Variants in MEIS1 observed in about 807,000 individuals in gnomAD.
The protein encoded by MEIS1 is Meis homeobox 1.
Under a neutral mutation model 50.8 loss-of-function variants are expected in MEIS1, and 5 were observed. That is an observed-to-expected ratio of 0.10 (90% CI 0.05 to 0.21). The LOEUF (loss-of-function observed/expected upper bound fraction) is 0.21. Ranked by LOEUF, MEIS1 falls within the 10% of genes least tolerant of loss-of-function variation. The pLI is 1.00. For synonymous variants in MEIS1, 176 were observed against 179.3 expected (o/e 0.98, Z 0.15); for missense variants, 318 against 517.3 (o/e 0.61, Z 3.74).
At chr2:66,485,193 CACCCATCA>C (rs1175662757) in intron 7 of MEIS1, among the ~76,000 whole-genome samples, 1 of 152,074 alleles carries the variant, frequency 6.6e-6, no homozygotes, top group Non-Finnish European at 1.5e-5. Flanking sequence ...TGGTTTGCTG[CACCCATCA>C]ACCCATCAAC....
chr2:66,446,012 C>T (rs1349186444), intron 6 of MEIS1, among the ~76,000 whole-genome samples: 1 of 152,050 alleles, frequency 6.6e-6, no homozygotes, highest in African/African-American at 2.4e-5. Context: ...GCTCTCGGCT[C>T]GGCTTGGCTG....
Position 66,561,426 on chromosome 2 carries a change from A to G in MEIS1, c.966-6027A>G, listed in dbSNP as rs1040727751. On this transcript the variant is annotated intron_variant, in intron 9 of 12. Transcript: ENST00000272369. The stretch of plus-strand genomic sequence containing the variant: ...CATGAGGTTTAAATTCTAAAATTTG[A>G]AAATATTTATAGAAATCACAAAAAT... Among the ~76,000 whole-genome samples the G allele has an allele frequency of 3.3e-5, 5 of 152,338 alleles. No individual in the cohort carries two copies. The East Asian group carries it at 9.6e-4, about 29-fold the overall frequency.
intron 1 of MEIS1, among the ~76,000 whole-genome samples, chr2:66,436,308 T>A (rs1371625556): frequency 6.6e-6 from 1 of 152,242 alleles, no homozygotes; most frequent in East Asian, 1.9e-4. Flanking sequence ...AATAACTTTG[T>A]CATAGTATAG....
chr2:66,440,455 C>A, intron 3 of MEIS1, 107 bp from the exon 4 acceptor site: 1 of 953,418 alleles, frequency 1.0e-6, no homozygotes, highest in Non-Finnish European at 1.7e-6. Context: ...TACTTCCTGC[C>A]CCCGACAGTG....
At chr2:66,562,758 A>T (rs1325563465) in intron 9 of MEIS1, among the ~76,000 whole-genome samples, 1 of 152,298 alleles carries the variant, frequency 6.6e-6, no homozygotes, top group South Asian at 2.1e-4. Context: ...TTTGGTCAGA[A>T]GAAGAAATTC....
intron 5 of MEIS1, 28 bp downstream of exon 5, chr2:66,441,492 ACTTAC>A: frequency 6.6e-7 from 1 of 1,520,874 alleles, no homozygotes; most frequent in African/African-American, 1.4e-5. Context: ...TTTTCCTTTT[ACTTAC>A]CCCTTACCCC....
At chr2:66,465,183 G>A (rs576422000) in intron 7 of MEIS1, among the ~76,000 whole-genome samples, 12 of 152,282 alleles carry the variant, frequency 7.9e-5, no homozygotes, top group African/African-American at 2.4e-4. Flanking sequence ...TGAATTTAGT[G>A]TGATTAATTT....
intron 8 of MEIS1, among the ~76,000 whole-genome samples, chr2:66,527,591 AGTGTGTGTGTGTGTGT>A (rs71409176): frequency 2.0e-3 from 246 of 124,476 alleles, no homozygotes; most frequent in Middle Eastern, 8.0e-3. Flanking sequence ...AGTAAAAGCA[AGTGTGTGTGTGTGTGT>A]GTGTGTGTGT....
chr2:66,521,838 T>C (rs1489791979), intron 8 of MEIS1, among the ~76,000 whole-genome samples: 1 of 152,190 alleles, frequency 6.6e-6, no homozygotes, highest in Non-Finnish European at 1.5e-5. Flanking sequence ...TGATGTAAAA[T>C]GGTACCTGAC....
chr2:66,508,457 A>G (rs1673737845), intron 7 of MEIS1, among the ~76,000 whole-genome samples: 2 of 152,126 alleles, frequency 1.3e-5, no homozygotes, highest in Admixed American at 1.3e-4. Context: ...CACTTCAATG[A>G]GGGGGAAAAA....
At chr2:66,443,078 G>T in intron 6 of MEIS1, 30 bp downstream of exon 6, 2 of 1,552,686 alleles carry the variant, frequency 1.3e-6, no homozygotes, top group Non-Finnish European at 1.7e-6. Context: ...AACATCCCTG[G>T]GAAAAAAAAA....
chr2:66,443,928 G>C (rs1672064265), intron 6 of MEIS1, among the ~76,000 whole-genome samples: 1 of 152,076 alleles, frequency 6.6e-6, no homozygotes, highest in Admixed American at 6.5e-5. Flanking sequence ...AAGTGGGGAC[G>C]ACTTTTATTT....
Position 66,481,662 on chromosome 2 carries a change from C to T in MEIS1, c.742+17442C>T, listed in dbSNP as rs576695796. 8.5e-5 allele frequency among the ~76,000 whole-genome samples: 13 copies of T among 152,114 alleles called. No homozygotes were observed. The East Asian group carries it at 2.5e-3, about 30-fold the overall frequency. On this transcript the variant is annotated intron_variant, in intron 7 of 12. Transcript: ENST00000272369. ...GAGTCTTGCCTCTCCATAAGGCTGA[C>T]AGTATTATTTATTTTCATGTGCAGT...
rs3220054 is a variant in MEIS1 at position 66,440,092 on chromosome 2, C to CACACACACACAT, written c.381+108_381+109insACACACACACAT. ...GAACACACACACACACACACACACA[C>CACACACACACAT]GGCACACTTTCAAAAGTAGCCAGCA... is the stretch of plus-strand genomic sequence containing the variant. On this transcript the variant is annotated intron_variant, in intron 3 of 12. Transcript: ENST00000272369. The CACACACACACAT allele has an allele frequency of 1.0e-5, 11 of 1,059,494 alleles. No individual in the cohort carries two copies. In the African/African-American group the frequency reaches 1.2e-4, roughly 11 times the overall value. 65.6% of individuals were successfully genotyped at this position (1,059,494 alleles called of 1,614,324 possible).
At chr2:66,552,046 C>CAG (rs1481955802) in intron 9 of MEIS1, among the ~76,000 whole-genome samples, 63 of 152,026 alleles carry the variant, frequency 4.1e-4, no homozygotes, top group African/African-American at 1.5e-3. Context: ...CACACACACA[C>CAG]ACACACACAC....
At chr2:66,453,903 A>T (rs1672331022) in intron 6 of MEIS1, among the ~76,000 whole-genome samples, 3 of 151,992 alleles carry the variant, frequency 2.0e-5, no homozygotes, top group African/African-American at 7.2e-5. Context: ...AAAACTTCAG[A>T]AACACTTGAG....
chr2:66,439,787 T>C, intron 2 of MEIS1, 56 bp from the exon 3 acceptor site: 8 of 1,607,274 alleles, frequency 5.0e-6, no homozygotes, highest in Non-Finnish European at 6.0e-6. Context: ...GGCACCTTTT[T>C]CCATTGACTG....
intron 9 of MEIS1, among the ~76,000 whole-genome samples, chr2:66,558,296 A>AG (rs1675124492): frequency 6.7e-6 from 1 of 150,158 alleles, no homozygotes; most frequent in Non-Finnish European, 1.5e-5. Flanking sequence ...AAAAAAAAAA[A>AG]AAAAAAAAGA....
intron 7 of MEIS1, among the ~76,000 whole-genome samples, chr2:66,484,567 A>T (rs948869735): frequency 3.3e-5 from 5 of 150,946 alleles, no homozygotes; most frequent in African/African-American, 4.9e-5. Flanking sequence ...TTATTTATTT[A>T]TTTTTTTTGA....
Sources: gnomAD v4.1 joint callset for allele counts (sites outside exome capture counted in the v4.1 genomes callset) on GRCh38, gnomAD v4.1.1 for gene constraint, MANE v1.5 for transcripts, NCBI Gene and HGNC (gene_info 2026-07-23, HGNC 2026-07-21) for gene names.